Variants in SIN3B observed in about 807,000 individuals in gnomAD.
SIN3B encodes the protein paired amphipathic helix protein Sin3b.
Under a neutral mutation model 120.2 loss-of-function variants are expected in SIN3B, and 19 were observed. The observed-to-expected ratio is 0.16, with a 90% CI of 0.11 to 0.23. The LOEUF (loss-of-function observed/expected upper bound fraction) is 0.23. SIN3B is among the 10% of genes least tolerant of loss of function. SIN3B has a pLI of 1.00. For missense variants in SIN3B, 1,073 were observed against 1,573.0 expected (o/e 0.68, Z 5.38); for synonymous variants, 654 against 653.2 (o/e 1.00, Z -0.02).
In SIN3B at chr19:16,876,402, C is replaced by T. The variant is rs1267465116; in HGVS notation, c.2767-84C>T. 1.1e-5 allele frequency: 16 copies of T among 1,460,986 alleles called. No homozygotes were observed. Among genetic ancestry groups the T allele is most frequent in the Admixed American group, 5.7e-5 (3 of 52,912 alleles). 90.5% of individuals were successfully genotyped at this position (1,460,986 alleles called of 1,614,324 possible). On this transcript the variant is annotated intron_variant, in intron 15 of 18. Coordinates refer to ENST00000248054, the MANE Select transcript of SIN3B (RefSeq NM_001297595.2). The surrounding 1 kb of genome is among the most constrained non-coding windows in gnomAD (Gnocchi z 7.1). ...CAGGGCTTTGGGAGGGTGGCAAAGG[C>T]GGGAGGCGGGTGGCCTTGCGAGCCT...
chr19:16,831,596 A>G lies in SIN3B; in HGVS notation c.330A>G (p.Ile110Met). The G allele has an allele frequency of 6.2e-7, 1 of 1,614,098 alleles. No homozygotes were observed. Among genetic ancestry groups the G allele is most frequent in the Non-Finnish European group, 8.5e-7 (1 of 1,179,978 alleles). The change falls in exon 3 of 19, where the codon ATA becomes ATG. Residue 110 changes from isoleucine (I) to methionine (M), a missense_variant. Ile to Met is a conservative substitution (Grantham distance 10, BLOSUM62 1). This residue lies in a region of SIN3B where 395 missense variants were observed against 528.0 expected (regional missense o/e 0.75). Transcript: ENST00000248054. ...CTTTTCTTCCCCTCGGATATAGAAT[A>G]GACATTCCCAAGAATGGCAAGTTAA... is the stretch of plus-strand genomic sequence containing the variant. ...FNAFLPLGYR[I>M]DIPKNGKLNI...
intron 17 of SIN3B, 141 bp downstream of exon 17, chr19:16,877,780 C>G: frequency 1.5e-6 from 1 of 674,992 alleles, no homozygotes. Flanking sequence ...GCAGGCCCTG[C>G]CCTTTTGAGG....
chr19:16,869,659 C>T lies in SIN3B; in HGVS notation c.2006C>T (p.Ser669Phe). 1 of 1,613,654 alleles carries T rather than the reference C, an allele frequency of 6.2e-7. No individual in the cohort carries two copies. Among genetic ancestry groups the T allele is most frequent in the Non-Finnish European group, 8.5e-7 (1 of 1,180,026 alleles). Residue 669 changes from serine to phenylalanine, a missense_variant, in exon 13 of 19, where the codon TCT becomes TTT. This residue lies in a region of SIN3B where 169 missense variants were observed against 207.3 expected (regional missense o/e 0.82). Coordinates refer to ENST00000248054, the MANE Select transcript of SIN3B (RefSeq NM_001297595.2). Reference protein sequence around the residue: ...LHQFVPSLFFSQQLDLGASEE... With the variant: ...LHQFVPSLFFFQQLDLGASEE... ...CAGTTCGTGCCCAGCCTCTTCTTCT[C>T]TCAGCAGCTGGACCTGGGCGCCTCC...
intron 3 of SIN3B, among the ~76,000 whole-genome samples, chr19:16,839,009 T>C (rs548617085): frequency 3.3e-5 from 5 of 150,692 alleles, no homozygotes; most frequent in African/African-American, 1.2e-4. Context: ...GTTTTGCTTT[T>C]GTTTCCCAGG....
At chr19:16,872,784 G>A (rs1458048032) in intron 14 of SIN3B, 1 of 152,116 alleles carries the variant, frequency 6.6e-6, no homozygotes, top group African/African-American at 2.4e-5. Flanking sequence ...CCCTGGCCTC[G>A]AGCTGTGTGT....
At position 16,869,219 on chromosome 19, in the gene SIN3B, G is replaced by A. The variant is rs796310845; in HGVS notation, c.1807-241G>A. ...TTGGCTCCTTTGTCTGGGGTCCCGG[G>A]ATGACTTGGGTCTGCCTCACTTTCG... is the stretch of plus-strand genomic sequence containing the variant. On this transcript the variant is annotated intron_variant, in intron 12 of 18. Transcript: ENST00000248054. 5.9e-5 allele frequency among the ~76,000 whole-genome samples: 9 copies of A among 152,262 alleles called. 1 individual carries two copies. The highest frequency in any genetic ancestry group is 2.2e-4 in the African/African-American group (9 of 41,540).
intron 13 of SIN3B, 106 bp from the exon 14 acceptor site, chr19:16,871,123 T>C (rs2051504610): frequency 7.1e-7 from 1 of 1,407,430 alleles, no homozygotes. Flanking sequence ...GTGAGGGCTG[T>C]TGGGCCCCAT....
chr19:16,838,369 G>A (rs1001362189), intron 3 of SIN3B, among the ~76,000 whole-genome samples: 11 of 152,168 alleles, frequency 7.2e-5, no homozygotes, highest in African/African-American at 2.7e-4. Context: ...TGGCAACCAT[G>A]AGTCTGCTTC....
intron 3 of SIN3B, among the ~76,000 whole-genome samples, chr19:16,836,473 C>G (rs1971350383): frequency 1.3e-5 from 2 of 152,286 alleles, no homozygotes; most frequent in South Asian, 4.1e-4. Context: ...AGTCCCTACC[C>G]TGTGTCATTC....
chr19:16,856,956 A>G (rs946958833), intron 8 of SIN3B, among the ~76,000 whole-genome samples: 4 of 151,880 alleles, frequency 2.6e-5, no homozygotes, highest in African/African-American at 9.7e-5. Flanking sequence ...CCCTTTTCCC[A>G]TTTACCCCAG....
Position 16,869,826 on chromosome 19 carries a change from C to T in SIN3B, c.2173C>T (p.Pro725Ser). The T allele has an allele frequency of 1.2e-6, 2 of 1,613,910 alleles. No individual in the cohort carries two copies. The highest frequency in any genetic ancestry group is 1.7e-6 in the Non-Finnish European group (2 of 1,179,972). Residue 725 changes from proline to serine, a missense_variant, in exon 13 of 19, where the codon CCA becomes TCA. Pro to Ser is a moderately conservative substitution (Grantham distance 74). Coordinates refer to ENST00000248054, the MANE Select transcript of SIN3B (RefSeq NM_001297595.2). ...AFGDAPATEQ[P>S]PLPPPAPHKP... is the part of the protein sequence containing the mutation. Reference sequence around the variant, plus strand: ...CGGGGATGCCCCGGCCACTGAGCAGCCACCCCTGCCGCCCCCAGCCCCGCA... The same window carrying T: ...CGGGGATGCCCCGGCCACTGAGCAGTCACCCCTGCCGCCCCCAGCCCCGCA...
At chr19:16,855,377 C>CCCCCCCG (rs1568418900) in intron 8 of SIN3B, 2 of 113,072 alleles carry the variant, frequency 1.8e-5, no homozygotes, top group African/African-American at 6.8e-5. Flanking sequence ...CCTTCCCCCC[C>CCCCCCCG]CCCCCCCCAG....
chr19:16,854,668 C>CT (rs1971588751), intron 8 of SIN3B: 2 of 166,494 alleles, frequency 1.2e-5, no homozygotes, highest in Non-Finnish European at 2.6e-5. Flanking sequence ...CTAGGTTAAG[C>CT]GGTGAGTCTC....
chr19:16,863,191 A>T, intron 9 of SIN3B: 1 of 545,168 alleles, frequency 1.8e-6, no homozygotes, highest in Non-Finnish European at 3.3e-6. Flanking sequence ...AATGTCTGAA[A>T]TGAAATCGGC....
chr19:16,832,160 C>T (rs894944429), intron 3 of SIN3B, among the ~76,000 whole-genome samples: 3 of 151,182 alleles, frequency 2.0e-5, no homozygotes, highest in Non-Finnish European at 2.9e-5. Flanking sequence ...TGCTTTGGTC[C>T]CTTTTTTCTT....
At chr19:16,851,279 G>T in intron 5 of SIN3B, 133 bp from the exon 6 acceptor site, 3 of 1,011,968 alleles carry the variant, frequency 3.0e-6, no homozygotes, top group Non-Finnish European at 4.2e-6. Flanking sequence ...CGCATGGACG[G>T]AGCATCTGGC....
chr19:16,845,765 G>A lies in SIN3B; in HGVS notation c.583-1205G>A, dbSNP rs137921750. On this transcript the variant is annotated intron_variant, in intron 4 of 18. Transcript: ENST00000248054. Reference sequence around the variant, plus strand: ...GATAGGATCTTGCTCTGTTGCCTAGGCTGGAGTATGCACTATCATGATGGT... The same window carrying A: ...GATAGGATCTTGCTCTGTTGCCTAGACTGGAGTATGCACTATCATGATGGT... Among the ~76,000 whole-genome samples the A allele has an allele frequency of 3.0e-4, 46 of 151,524 alleles. No individual in the cohort carries two copies. The East Asian group carries it at 8.7e-3, about 29-fold the overall frequency.
intron 8 of SIN3B, chr19:16,854,489 CCT>C (rs1971586693): frequency 2.0e-6 from 1 of 500,270 alleles, no homozygotes; most frequent in Admixed American, 4.0e-5. Flanking sequence ...TAGTCAGTAT[CCT>C]CACCAGAATA....
intron 3 of SIN3B, among the ~76,000 whole-genome samples, chr19:16,839,952 C>T (rs3848656): frequency 0.12 from 18,241 of 152,108 alleles, 1,407 homozygotes; most frequent in East Asian, 0.27. Context: ...TGCAGTGAGC[C>T]GGGATCATAC....
Sources: gnomAD v4.1 joint callset for allele counts (sites outside exome capture counted in the v4.1 genomes callset) on GRCh38, gnomAD v4.1.1 for gene constraint, gnomAD v4.1.1 regional missense constraint, Gnocchi (gnomAD v3.1) non-coding constraint, MANE v1.5 for transcripts, NCBI Gene and HGNC (gene_info 2026-07-23, HGNC 2026-07-21) for gene names.